ARHGEF10L: variants seen among roughly 807,000 people sequenced by gnomAD.
ARHGEF10L encodes Rho guanine nucleotide exchange factor 10 like.
ARHGEF10L carries 69 observed loss-of-function variants against 141.2 expected under a neutral mutation model. The ratio of observed to expected loss-of-function variants is 0.49; its 90% CI spans 0.40 to 0.60. ARHGEF10L has a LOEUF of 0.60. Ranked by LOEUF, ARHGEF10L falls within the 20% of genes least tolerant of loss-of-function variation. The pLI, the probability that ARHGEF10L is intolerant of heterozygous loss-of-function variation, is 0.00. For missense variants in ARHGEF10L, 1,482 were observed against 1,734.3 expected, an observed-to-expected ratio of 0.85 and a Z score of 2.58; for synonymous variants, 711 against 718.5, an observed-to-expected ratio of 0.99 and a Z score of 0.17.
chr1:17,552,746 C>A (rs2077165800), intron 1 of ARHGEF10L, among the ~76,000 whole-genome samples: 1 of 152,004 alleles, frequency 6.6e-6, no homozygotes, highest in Non-Finnish European at 1.5e-5. Context: ...CCCTTGTCAT[C>A]TTGTGAGCTA....
intron 7 of ARHGEF10L, among the ~76,000 whole-genome samples, chr1:17,608,236 C>T (rs2081356528): frequency 6.6e-6 from 1 of 152,234 alleles, no homozygotes; most frequent in African/African-American, 2.4e-5. Flanking sequence ...CTCCCCCCAC[C>T]CCCTTGCTAT....
intron 27 of ARHGEF10L, among the ~76,000 whole-genome samples, chr1:17,693,779 T>C (rs1471978629): frequency 6.6e-6 from 1 of 152,172 alleles, no homozygotes; most frequent in Admixed American, 6.5e-5. Flanking sequence ...ATGTGATCCA[T>C]GGACCAGAAG....
At chr1:17,638,508 CT>C in intron 19 of ARHGEF10L, 53 bp from the exon 20 acceptor site, 2 of 1,609,724 alleles carry the variant, frequency 1.2e-6, no homozygotes, top group Non-Finnish European at 1.7e-6. Flanking sequence ...TCTGGTGTGG[CT>C]TTTGGGGAGC....
At chr1:17,609,991 A>G (rs766437423) in intron 7 of ARHGEF10L, among the ~76,000 whole-genome samples, 5 of 152,182 alleles carry the variant, frequency 3.3e-5, no homozygotes, top group African/African-American at 7.2e-5. Context: ...GTCCTGGCCC[A>G]GCCTTTTAGC....
intron 1 of ARHGEF10L, among the ~76,000 whole-genome samples, chr1:17,567,139 AG>A: frequency 6.6e-6 from 1 of 152,198 alleles, no homozygotes; most frequent in East Asian, 1.9e-4. Flanking sequence ...CAGTGTTGGC[AG>A]GCAGTGTCCA....
chr1:17,571,647 C>CTT (rs2078005883), intron 1 of ARHGEF10L, among the ~76,000 whole-genome samples: 1 of 152,126 alleles, frequency 6.6e-6, no homozygotes, highest in Non-Finnish European at 1.5e-5. Context: ...GATTCTCCTG[C>CTT]CTCAGCCTCC....
chr1:17,638,472 T>C, intron 19 of ARHGEF10L, 90 bp from the exon 20 acceptor site: 1 of 1,561,452 alleles, frequency 6.4e-7, no homozygotes, highest in Non-Finnish European at 8.7e-7. Flanking sequence ...TTTCTCTTCC[T>C]CTGGGGTGCT....
intron 2 of ARHGEF10L, among the ~76,000 whole-genome samples, chr1:17,586,060 G>T (rs1412399907): frequency 1.3e-5 from 2 of 152,302 alleles, no homozygotes; most frequent in East Asian, 3.9e-4. Context: ...AGGGTCCCCT[G>T]GGCCTGTAGG....
At chr1:17,681,681 G>C (rs1332480778) in intron 26 of ARHGEF10L, among the ~76,000 whole-genome samples, 1 of 152,190 alleles carries the variant, frequency 6.6e-6, no homozygotes, top group African/African-American at 2.4e-5. Context: ...AGGAAGAAGA[G>C]CAGCTGGCCC....
At chr1:17,685,697 G>A (rs1257296117) in intron 26 of ARHGEF10L, among the ~76,000 whole-genome samples, 1 of 152,224 alleles carries the variant, frequency 6.6e-6, no homozygotes, top group East Asian at 1.9e-4. Context: ...ACACATAGTA[G>A]GGACTCAAGA....
Position 17,697,725 on chromosome 1 carries a change from C to T in ARHGEF10L, c.*345C>T, listed in dbSNP as rs751676356. On this transcript the variant is annotated 3_prime_UTR_variant, in exon 29 of 29. Coordinates refer to ENST00000361221, the MANE Select transcript of ARHGEF10L (RefSeq NM_018125.4). The surrounding 1 kb of genome is among the most constrained non-coding windows in gnomAD (Gnocchi z 4.8). The stretch of plus-strand genomic sequence containing the variant: ...CACGCCCCTCCTGGAAGGGTGTGTG[C>T]GTGTGAGTGTGTGCGAGTGTGTGGG... 7.9e-6 allele frequency: 4 copies of T among 506,064 alleles called. No homozygotes were observed. The highest frequency in any genetic ancestry group is 1.5e-5 in the Non-Finnish European group (4 of 260,494). 31.3% of individuals were successfully genotyped at this position (506,064 alleles called of 1,614,324 possible).
At chr1:17,632,593 T>G (rs1195987048) in intron 16 of ARHGEF10L, 127 bp downstream of exon 16, 19 of 1,219,302 alleles carry the variant, frequency 1.6e-5, no homozygotes, top group Non-Finnish European at 4.7e-6. Flanking sequence ...CTTCCAATAT[T>G]CCTCTCCCAT....
At chr1:17,662,208 C>T (rs2102135709) in intron 25 of ARHGEF10L, among the ~76,000 whole-genome samples, 1 of 152,262 alleles carries the variant, frequency 6.6e-6, no homozygotes, top group East Asian at 1.9e-4. Context: ...ACCACACATG[C>T]TTGTTGGGAG....
At chr1:17,582,312 A>C (rs1298871936) in intron 2 of ARHGEF10L, among the ~76,000 whole-genome samples, 2 of 152,144 alleles carry the variant, frequency 1.3e-5, no homozygotes, top group East Asian at 1.9e-4. Context: ...GGAGTGAGAA[A>C]AAAAAATTTA....
intron 7 of ARHGEF10L, among the ~76,000 whole-genome samples, chr1:17,610,269 G>T (rs937400673): frequency 6.6e-6 from 1 of 152,194 alleles, no homozygotes; most frequent in Non-Finnish European, 1.5e-5. Flanking sequence ...CTGCCCCCAG[G>T]GGGTATAAGG....
At chr1:17,622,886 C>T in intron 11 of ARHGEF10L, 110 bp from the exon 12 acceptor site, 1 of 1,166,934 alleles carries the variant, frequency 8.6e-7, no homozygotes, top group Non-Finnish European at 1.2e-6. Context: ...TGAGTGCCTC[C>T]CCTCCGTGCC....
intron 26 of ARHGEF10L, among the ~76,000 whole-genome samples, chr1:17,680,220 G>A (rs554449116): frequency 6.6e-6 from 1 of 152,310 alleles, no homozygotes; most frequent in Non-Finnish European, 1.5e-5. Flanking sequence ...CACACGGTGG[G>A]TACCTGTAAA....
At chr1:17,685,831 T>G (rs2064526779) in intron 26 of ARHGEF10L, among the ~76,000 whole-genome samples, 1 of 152,250 alleles carries the variant, frequency 6.6e-6, no homozygotes, top group Non-Finnish European at 1.5e-5. Flanking sequence ...CCTGGGCCTG[T>G]GAAGCTGCCA....
intron 1 of ARHGEF10L, among the ~76,000 whole-genome samples, chr1:17,578,585 G>C (rs1488217945): frequency 1.3e-5 from 2 of 152,198 alleles, no homozygotes; most frequent in African/African-American, 4.8e-5. Flanking sequence ...TACTGGGGAG[G>C]CTGAGGCGAG....
Sources: allele counts gnomAD v4.1 joint callset (sites outside exome capture counted in the v4.1 genomes callset), GRCh38; gene constraint gnomAD v4.1.1; non-coding constraint Gnocchi (gnomAD v3.1); transcripts MANE v1.5; gene names NCBI Gene and HGNC (gene_info 2026-07-23, HGNC 2026-07-21).